Variants in RIMS2 observed in about 807,000 individuals in gnomAD.
RIMS2 encodes regulating synaptic membrane exocytosis 2, also known as regulating synaptic membrane exocytosis protein 2.
RIMS2 carries 59 observed loss-of-function variants against 174.4 expected under a neutral mutation model. The ratio of observed to expected loss-of-function variants is 0.34; its 90% CI spans 0.27 to 0.42. The LOEUF is 0.42. Ranked by LOEUF, RIMS2 falls within the 10% of genes least tolerant of loss-of-function variation. The pLI, the probability that RIMS2 is intolerant of heterozygous loss-of-function variation, is 1.00. For synonymous variants in RIMS2, 606 were observed against 572.5 expected (o/e 1.06, Z -0.84); for missense variants, 1,620 against 1,666.3 (o/e 0.97, Z 0.48).
intron 1 of RIMS2, among the ~76,000 whole-genome samples, chr8:103,594,883 G>T (rs2094425123): frequency 6.6e-6 from 1 of 151,758 alleles, no homozygotes; most frequent in Admixed American, 6.6e-5. Flanking sequence ...AGACATGGGA[G>T]AAAGTCCATG....
chr8:103,762,511 A>G (rs1180170943), intron 2 of RIMS2, among the ~76,000 whole-genome samples: 1 of 152,206 alleles, frequency 6.6e-6, no homozygotes, highest in Admixed American at 6.5e-5. Context: ...ATTTATCTCT[A>G]ATAGCTATTA....
chr8:104,091,421 C>T (rs917362838), intron 19 of RIMS2, among the ~76,000 whole-genome samples: 2 of 151,158 alleles, frequency 1.3e-5, no homozygotes, highest in Non-Finnish European at 3.0e-5. Context: ...GAAAAGTCTC[C>T]CATACGGAGT....
intron 2 of RIMS2, among the ~76,000 whole-genome samples, chr8:103,723,111 C>CCAAA (rs769801758): frequency 1.3e-5 from 2 of 152,086 alleles, no homozygotes; most frequent in African/African-American, 4.8e-5. Flanking sequence ...GACCCTGTCT[C>CCAAA]CAAACAAACA....
chr8:103,941,329 A>G (rs1236503125), intron 13 of RIMS2, among the ~76,000 whole-genome samples: 1 of 152,048 alleles, frequency 6.6e-6, no homozygotes, highest in Non-Finnish European at 1.5e-5. Context: ...AAAATAAATA[A>G]AAAAAGAAAT....
At chr8:103,964,957 G>C (rs548460417) in intron 15 of RIMS2, among the ~76,000 whole-genome samples, 1 of 152,186 alleles carries the variant, frequency 6.6e-6, no homozygotes, top group South Asian at 2.1e-4. Context: ...CCAGAGATCA[G>C]TTCAATATAT....
chr8:103,938,669 G>C (rs1413294826), intron 13 of RIMS2, among the ~76,000 whole-genome samples: 2 of 152,090 alleles, frequency 1.3e-5, no homozygotes, highest in African/African-American at 4.8e-5. Flanking sequence ...CCAGAGTCCA[G>C]AGTCCAAAGT....
intron 1 of RIMS2, among the ~76,000 whole-genome samples, chr8:103,577,007 A>T (rs1269721215): frequency 6.6e-6 from 1 of 152,242 alleles, no homozygotes; most frequent in African/African-American, 2.4e-5. Flanking sequence ...TTCAGGACAT[A>T]GGCATGGGCA....
At chr8:103,924,168 AG>A (rs2078270649) in intron 10 of RIMS2, among the ~76,000 whole-genome samples, 1 of 151,690 alleles carries the variant, frequency 6.6e-6, no homozygotes, top group African/African-American at 2.4e-5. Flanking sequence ...ACAATATAAA[AG>A]GCAAAGGAAA....
chr8:104,243,412 C>T (rs2099312618), intron 19 of RIMS2, among the ~76,000 whole-genome samples: 1 of 152,198 alleles, frequency 6.6e-6, no homozygotes, highest in African/African-American at 2.4e-5. Flanking sequence ...TATTGCTGGG[C>T]ACGATGGCTC....
chr8:104,007,038 C>T (rs1047768123), intron 17 of RIMS2, among the ~76,000 whole-genome samples: 1 of 152,040 alleles, frequency 6.6e-6, no homozygotes, highest in African/African-American at 2.4e-5. Flanking sequence ...AGTTCCAGCC[C>T]AGAAAATATC....
chr8:103,922,100 T>C (rs1270570702), intron 10 of RIMS2: 2 of 178,980 alleles, frequency 1.1e-5, no homozygotes, highest in African/African-American at 2.4e-5. Context: ...TAAATTGTCA[T>C]AGATTTTTAA....
At chr8:104,027,512 A>C (rs2096280712) in intron 19 of RIMS2, among the ~76,000 whole-genome samples, 1 of 152,184 alleles carries the variant, frequency 6.6e-6, no homozygotes, top group African/African-American at 2.4e-5. Context: ...GACTTCCTAA[A>C]TGCAATCCTT....
chr8:104,068,919 C>T (rs1598168522), intron 19 of RIMS2, among the ~76,000 whole-genome samples: 1 of 152,140 alleles, frequency 6.6e-6, no homozygotes, highest in Non-Finnish European at 1.5e-5. Context: ...TTATGGTTTT[C>T]TTTCATATAG....
chr8:103,571,995 G>T (rs747692920), intron 1 of RIMS2, among the ~76,000 whole-genome samples: 3 of 152,156 alleles, frequency 2.0e-5, no homozygotes. Context: ...GGTTCCTTCC[G>T]GTGGGTTCTT....
chr8:104,147,218 C>T (rs2098648104), intron 19 of RIMS2, among the ~76,000 whole-genome samples: 2 of 151,934 alleles, frequency 1.3e-5, no homozygotes, highest in Admixed American at 1.3e-4. Context: ...CTCTTCTCTC[C>T]CCACCCACCT....
chr8:103,677,357 A>G (rs2096828074), intron 1 of RIMS2, among the ~76,000 whole-genome samples: 1 of 152,180 alleles, frequency 6.6e-6, no homozygotes, highest in Non-Finnish European at 1.5e-5. Context: ...GCCAGTTTCT[A>G]CCTGACCTAG....
chr8:103,795,310 A>G lies in RIMS2; in HGVS notation c.698+28773A>G, dbSNP rs184973147. On this transcript the variant is annotated intron_variant, in intron 3 of 23. Coordinates refer to ENST00000504942, the Ensembl canonical transcript of RIMS2. ...GACATGGATGCAGGTGGAAACCATC[A>G]TTCTGAGCAAACTGTCGCAAGGACA... is the stretch of plus-strand genomic sequence containing the variant. Among the ~76,000 whole-genome samples the G allele has an allele frequency of 2.0e-3, 298 of 152,250 alleles. 2 individuals carry two copies. Among genetic ancestry groups the G allele is most frequent in the African/African-American group, 7.0e-3 (289 of 41,548 alleles).
intron 2 of RIMS2, among the ~76,000 whole-genome samples, chr8:103,736,787 G>T (rs905611662): frequency 6.6e-6 from 1 of 152,140 alleles, no homozygotes; most frequent in Non-Finnish European, 1.5e-5. Flanking sequence ...CACTAAAAAT[G>T]ACACCTTTTC....
intron 19 of RIMS2, among the ~76,000 whole-genome samples, chr8:104,152,305 A>C (rs937626097): frequency 6.6e-6 from 1 of 152,138 alleles, no homozygotes; most frequent in East Asian, 1.9e-4. Flanking sequence ...GTACATTTTT[A>C]ATTGTTCTTA....
Sources: allele counts gnomAD v4.1 joint callset (sites outside exome capture counted in the v4.1 genomes callset), GRCh38; gene constraint gnomAD v4.1.1; transcripts MANE v1.5; gene names NCBI Gene and HGNC (gene_info 2026-07-23, HGNC 2026-07-21).